EXOC6: variants seen among roughly 807,000 people sequenced by gnomAD.
The protein encoded by EXOC6 is SEC15-like 1.
Under a neutral mutation model 112.5 loss-of-function variants are expected in EXOC6, and 60 were observed. The ratio of observed to expected loss-of-function variants is 0.53; its 90% CI spans 0.43 to 0.66. EXOC6 has a LOEUF of 0.66. Ranked by LOEUF, EXOC6 falls within the 30% of genes least tolerant of loss-of-function variation. The pLI is 0.00. For missense variants in EXOC6, 855 were observed against 957.1 expected, an observed-to-expected ratio of 0.89 and a Z score of 1.41; for synonymous variants, 295 against 308.0, an observed-to-expected ratio of 0.96 and a Z score of 0.44.
chr10:92,896,181 ATTTTTTT>A (rs58783356), intron 4 of EXOC6, among the ~76,000 whole-genome samples: 13 of 10,230 alleles, frequency 1.3e-3, no homozygotes, highest in Non-Finnish European at 1.5e-3. Context: ...ATATATATAT[ATTTTTTT>A]TTTTTTTTTT....
chr10:93,058,399 A>G lies in EXOC6; in HGVS notation c.*44A>G, dbSNP rs374647206. ...TCAGTGACACCAAATCCATGATTCA[A>G]TGTTGATCTTGAGCAAGTATTGGTC... On this transcript the variant is annotated 3_prime_UTR_variant, in exon 22 of 22. Coordinates refer to ENST00000260762, the MANE Select transcript of EXOC6 (RefSeq NM_019053.6). 29 of 1,529,460 alleles carry G rather than the reference A, an allele frequency of 1.9e-5. No individual in the cohort carries two copies. In the Admixed American group the frequency reaches 3.7e-4, roughly 20 times the overall value. 94.7% of individuals were successfully genotyped at this position (1,529,460 alleles called of 1,614,324 possible). A position where few individuals can be genotyped will look rare whatever the true frequency, so the allele number is the denominator to read the frequency against.
At chr10:93,040,962 T>G (rs1201473013) in intron 20 of EXOC6, among the ~76,000 whole-genome samples, 1 of 152,240 alleles carries the variant, frequency 6.6e-6, no homozygotes. Flanking sequence ...GCTGACCCGC[T>G]TTCATCAGAT....
At chr10:92,849,153 C>T (rs898286208) in intron 1 of EXOC6, among the ~76,000 whole-genome samples, 1 of 152,140 alleles carries the variant, frequency 6.6e-6, no homozygotes, top group Admixed American at 6.5e-5. Context: ...GACGCCGGCC[C>T]GCTTTCCCCC....
intron 1 of EXOC6, among the ~76,000 whole-genome samples, chr10:92,872,162 G>A (rs1185761454): frequency 3.3e-5 from 5 of 151,892 alleles, no homozygotes; most frequent in African/African-American, 1.2e-4. Flanking sequence ...ACTGATGATT[G>A]CTCTAGGTGT....
chr10:92,841,035 A>G (rs1025503242), intron 1 of EXOC6, among the ~76,000 whole-genome samples: 1 of 152,218 alleles, frequency 6.6e-6, no homozygotes, highest in Non-Finnish European at 1.5e-5. Context: ...TATTATATCT[A>G]TCACCTTACA....
intron 20 of EXOC6, among the ~76,000 whole-genome samples, chr10:93,045,521 T>A (rs571304588): frequency 6.6e-6 from 1 of 152,318 alleles, no homozygotes; most frequent in East Asian, 1.9e-4. Context: ...TATCCTGGAG[T>A]ATAGACATGT....
At chr10:92,858,465 CT>C (rs1847733409) in intron 1 of EXOC6, among the ~76,000 whole-genome samples, 1 of 151,990 alleles carries the variant, frequency 6.6e-6, no homozygotes, top group Non-Finnish European at 1.5e-5. Flanking sequence ...CTCTTGTTCT[CT>C]GATTGCATAA....
intron 1 of EXOC6, among the ~76,000 whole-genome samples, chr10:92,853,241 T>G (rs1354475596): frequency 6.6e-6 from 1 of 152,210 alleles, no homozygotes; most frequent in Non-Finnish European, 1.5e-5. Flanking sequence ...AAATTAACAT[T>G]GCTGATACTA....
At chr10:92,911,752 A>G (rs1850775453) in intron 6 of EXOC6, among the ~76,000 whole-genome samples, 1 of 152,072 alleles carries the variant, frequency 6.6e-6, no homozygotes, top group African/African-American at 2.4e-5. Context: ...TTTCTTTACA[A>G]TTTCTTCTTT....
chr10:93,014,627 G>A (rs1313685126), intron 20 of EXOC6, among the ~76,000 whole-genome samples: 2 of 151,952 alleles, frequency 1.3e-5, no homozygotes, highest in Admixed American at 6.6e-5. Flanking sequence ...ATTAATGTCA[G>A]GACCCAAGTT....
At chr10:92,986,291 G>A (rs1190697534) in intron 18 of EXOC6, among the ~76,000 whole-genome samples, 1 of 151,986 alleles carries the variant, frequency 6.6e-6, no homozygotes. Context: ...GGAAAATATA[G>A]TTGAATAAAA....
chr10:92,836,281 T>G (rs562438512), intron 1 of EXOC6, among the ~76,000 whole-genome samples: 1 of 152,370 alleles, frequency 6.6e-6, no homozygotes, highest in South Asian at 2.1e-4. Flanking sequence ...CTAGTCTGTC[T>G]CTGGTGTTGG....
chr10:92,996,417 A>G (rs939430318), intron 18 of EXOC6, among the ~76,000 whole-genome samples: 1 of 152,260 alleles, frequency 6.6e-6, no homozygotes, highest in South Asian at 2.1e-4. Flanking sequence ...TCAGATCGAG[A>G]CCATCCTGGC....
chr10:92,928,188 A>G, intron 8 of EXOC6, 151 bp from the exon 9 acceptor site: 2 of 498,452 alleles, frequency 4.0e-6, no homozygotes, highest in Non-Finnish European at 7.1e-6. Flanking sequence ...CTATAATGGC[A>G]AAACTTATTC....
intron 7 of EXOC6, among the ~76,000 whole-genome samples, chr10:92,916,764 A>G (rs1851113738): frequency 6.6e-6 from 1 of 151,970 alleles, no homozygotes; most frequent in South Asian, 2.1e-4. Flanking sequence ...TTATTCTCAA[A>G]TAAATTTTTT....
intron 1 of EXOC6, among the ~76,000 whole-genome samples, chr10:92,853,254 C>G (rs1847438281): frequency 6.6e-6 from 1 of 152,084 alleles, no homozygotes; most frequent in Non-Finnish European, 1.5e-5. Flanking sequence ...TGATACTAAA[C>G]TAAGTAAGTG....
chr10:92,888,662 G>A (rs927148425), intron 1 of EXOC6, among the ~76,000 whole-genome samples: 36 of 152,204 alleles, frequency 2.4e-4, no homozygotes, highest in Admixed American at 2.2e-3. Context: ...TATTTTAAGA[G>A]CCAGATAAAT....
chr10:92,990,796 A>G (rs1843199623), intron 18 of EXOC6, among the ~76,000 whole-genome samples: 1 of 152,050 alleles, frequency 6.6e-6, no homozygotes, highest in African/African-American at 2.4e-5. Flanking sequence ...AGGGAGGTTG[A>G]GACTTTGACT....
At chr10:92,906,214 T>TA (rs1312333672) in intron 5 of EXOC6, among the ~76,000 whole-genome samples, 1 of 152,196 alleles carries the variant, frequency 6.6e-6, no homozygotes, top group Non-Finnish European at 1.5e-5. Flanking sequence ...CTTTATTTTT[T>TA]ATCTCTTTAT....
Sources: gnomAD v4.1 joint callset for allele counts (sites outside exome capture counted in the v4.1 genomes callset) on GRCh38, gnomAD v4.1.1 for gene constraint, MANE v1.5 for transcripts, NCBI Gene and HGNC (gene_info 2026-07-23, HGNC 2026-07-21) for gene names.